The following CCNL1 variants were observed in gnomAD, a reference collection of about 807,000 sequenced individuals.
CCNL1 encodes the protein cyclin-L1.
Under a neutral mutation model 60.6 loss-of-function variants are expected in CCNL1, and 13 were observed. The ratio of observed to expected loss-of-function variants is 0.21; its 90% CI spans 0.14 to 0.34. CCNL1 has a LOEUF of 0.34. Among genes scored for constraint, CCNL1 ranks in the 10% least tolerant of loss-of-function variants. The pLI is 1.00. For missense variants in CCNL1, 481 were observed against 664.3 expected (o/e 0.72, Z 3.03); for synonymous variants, 270 against 244.3 (o/e 1.10, Z -0.98).
chr3:157,145,437 CAAAAAAAA>C (rs56894231), downstream of CCNL1, among the ~76,000 whole-genome samples: 17 of 24,266 alleles, frequency 7.0e-4, no homozygotes, highest in South Asian at 0.015. Context: ...GACTTCATCT[CAAAAAAAA>C]AAAAAAAAAA....
In CCNL1 at chr3:157,159,845, T is replaced by C. The variant is rs1463867685; in HGVS notation, c.250A>G (p.Ile84Val). 2.6e-6 allele frequency: 4 copies of C among 1,562,814 alleles called. No individual in the cohort carries two copies. The highest frequency in any genetic ancestry group is 3.5e-6 in the Non-Finnish European group (4 of 1,152,232). The change falls in exon 1 of 11, where the codon ATC (isoleucine) becomes GTC (valine). Residue 84 changes from isoleucine (I) to valine (V), a missense_variant. Physicochemically the swap from Ile to Val is conservative, Grantham distance 29. Transcript: ENST00000295926. ...GCCTGGATGAGCTCGCAGCCCAGGA[T>C]GCGTAAGTCCGTCTCACTGGGCAGG... is the stretch of plus-strand genomic sequence containing the variant. ...LDLPSETDLR[I>V]LGCELIQAAG... is the part of the protein sequence containing the mutation.
At chr3:157,155,812 T>C (rs1043234540) in intron 3 of CCNL1, among the ~76,000 whole-genome samples, 4 of 152,306 alleles carry the variant, frequency 2.6e-5, no homozygotes, top group African/African-American at 9.6e-5. Context: ...CCAATAAAGT[T>C]TGAGGAGGTG....
At chr3:157,159,530 C>T (rs1243142160) in intron 1 of CCNL1, 51 bp from the exon 2 acceptor site, 4 of 1,519,448 alleles carry the variant, frequency 2.6e-6, no homozygotes, top group Non-Finnish European at 2.7e-6. Flanking sequence ...GGGCCCGCTC[C>T]AGGCGCCGCC....
chr3:157,151,550 G>C (rs1738195593), intron 5 of CCNL1: 1 of 985,870 alleles, frequency 1.0e-6, no homozygotes. Flanking sequence ...ATTTTAAGCT[G>C]CAAGTTTGTC....
intron 3 of CCNL1, 135 bp downstream of exon 3, chr3:157,158,731 G>T: frequency 3.5e-6 from 2 of 574,034 alleles, no homozygotes; most frequent in Non-Finnish European, 3.1e-6. Context: ...GTTCCTATAT[G>T]AACTTTAACA....
At chr3:157,144,793 T>G (rs1468629005), downstream of CCNL1, among the ~76,000 whole-genome samples, 1 of 152,252 alleles carries the variant, frequency 6.6e-6, no homozygotes, top group Non-Finnish European at 1.5e-5. Context: ...AAATCTGGTA[T>G]GTAAATTTTG....
downstream of CCNL1, chr3:157,146,610 AAAAAAAAAAAAAAAAAAGTT>A (rs960724137): frequency 6.3e-5 from 5 of 78,840 alleles, no homozygotes; most frequent in African/African-American, 2.0e-4. Context: ...CCTCGTCTCT[AAAAAAAAAAAAAAAAAAGTT>A]AAAAAAAAAA....
At chr3:157,143,164 G>T (rs564239961), downstream of CCNL1, among the ~76,000 whole-genome samples, 1 of 152,218 alleles carries the variant, frequency 6.6e-6, no homozygotes, top group Admixed American at 6.5e-5. Flanking sequence ...TAGAAGTCTA[G>T]GTTTTTAATG....
rs770272421 is a variant in CCNL1, at chr3:157,159,804, G to C, written c.291C>G (p.Leu97=). The change falls in exon 1 of 11, where the codon CTC becomes CTG. Residue 97 remains leucine (L), a synonymous_variant. Transcript: ENST00000295926. Reference sequence around the variant, plus strand: ...CCGGAGCACTGACCTGCGGCAGCCGGAGGAGAATGCCGGCGGCCTGGATGA... The same window carrying C: ...CCGGAGCACTGACCTGCGGCAGCCGCAGGAGAATGCCGGCGGCCTGGATGA... The part of the protein sequence containing the change: ...CELIQAAGIL[L]RLPQVAMATG... 2.9e-4 allele frequency: 448 copies of C among 1,537,658 alleles called. No individual in the cohort carries two copies. Among genetic ancestry groups the C allele is most frequent in the Non-Finnish European group, 3.7e-4 (420 of 1,136,112 alleles).
chr3:157,158,312 GACTTCAA>G (rs1738783429), intron 3 of CCNL1, among the ~76,000 whole-genome samples: 1 of 152,126 alleles, frequency 6.6e-6, no homozygotes, highest in African/African-American at 2.4e-5. Context: ...TAATCCCTTT[GACTTCAA>G]ACTTCAAACT....
chr3:157,159,076 A>T (rs1577081232), intron 2 of CCNL1, 101 bp from the exon 3 acceptor site: 1 of 770,916 alleles, frequency 1.3e-6, no homozygotes, highest in East Asian at 2.5e-5. Flanking sequence ...AAAATTAGAG[A>T]AGACATCTCT....
rs780959929 is a variant in CCNL1, at chr3:157,152,194, G to A, written c.657C>T (p.Thr219=). 1 of 1,611,826 alleles carries A rather than the reference G, an allele frequency of 6.2e-7. No homozygotes were observed. The highest frequency in any genetic ancestry group is 8.5e-7 in the Non-Finnish European group (1 of 1,179,176). The change falls in exon 5 of 11, where the codon ACC becomes ACT. Residue 219 remains threonine (T), a synonymous_variant. Transcript: ENST00000295926. The part of the protein sequence containing the change: ...LQVLECERNQ[T]LVQTAWNYMN... ...TGACTTACCAGGCAGTTTGAACCAG[G>A]GTTTGATTACGTTCACATTCTAAGA... is the stretch of plus-strand genomic sequence containing the variant.
intron 6 of CCNL1, 33 bp downstream of exon 6, chr3:157,150,249 T>A (rs897316776): frequency 8.1e-6 from 13 of 1,611,636 alleles, no homozygotes; most frequent in Middle Eastern, 1.6e-4. Context: ...GTGTGATTTA[T>A]CCTACAGAAC....
At chr3:157,150,575 G>T in intron 5 of CCNL1, 194 bp from the exon 6 acceptor site, 1 of 1,310,676 alleles carries the variant, frequency 7.6e-7, no homozygotes, top group Non-Finnish European at 9.8e-7. Flanking sequence ...AGGACCATAT[G>T]CGATTTTCCT....
chr3:157,152,105 G>A (rs1738239034), intron 5 of CCNL1, 72 bp downstream of exon 5: 3 of 1,574,466 alleles, frequency 1.9e-6, no homozygotes, highest in Non-Finnish European at 2.6e-6. Flanking sequence ...ATTTTGGAAA[G>A]GGAAAACGAA....
chr3:157,157,436 A>G (rs1265287571), intron 3 of CCNL1, among the ~76,000 whole-genome samples: 3 of 152,262 alleles, frequency 2.0e-5, no homozygotes, highest in Admixed American at 6.5e-5. Flanking sequence ...ATGTGATTAC[A>G]TAATAGTTGG....
downstream of CCNL1, among the ~76,000 whole-genome samples, chr3:157,146,765 T>G (rs1376466641): frequency 6.6e-6 from 1 of 152,188 alleles, no homozygotes; most frequent in Non-Finnish European, 1.5e-5. Context: ...AAATATCTAT[T>G]TATAATTCAG....
chr3:157,159,779 C>T lies in CCNL1; in HGVS notation c.303+13G>A, dbSNP rs749776363. 26 of 1,523,520 alleles carry T rather than the reference C, an allele frequency of 1.7e-5. No homozygotes were observed. The highest frequency in any genetic ancestry group is 2.2e-5 in the Non-Finnish European group (25 of 1,128,788). 94.4% of individuals were successfully genotyped at this position (1,523,520 alleles called of 1,614,324 possible). On this transcript the variant is annotated intron_variant, in intron 1 of 10. Transcript: ENST00000295926. ...AGAGGAGCGCCCGGCCGGCCCGGGGCCGGAGCACTGACCTGCGGCAGCCGG... is the reference window on the plus strand; with the variant it reads ...AGAGGAGCGCCCGGCCGGCCCGGGGTCGGAGCACTGACCTGCGGCAGCCGG...
rs78062111 is a variant in CCNL1, at chr3:157,151,612, A to T, written c.674+565T>A. 5.8e-5 allele frequency: 57 copies of T among 987,594 alleles called. 1 individual carries two copies. The East Asian group carries it at 6.1e-3, about 106-fold the overall frequency. 61.2% of individuals were successfully genotyped at this position (987,594 alleles called of 1,614,324 possible). On this transcript the variant is annotated intron_variant, in intron 5 of 10. Coordinates refer to ENST00000295926, the MANE Select transcript of CCNL1 (RefSeq NM_020307.4). ...ACACACTAAAAATAAAAATTTAGTC[A>T]AACTCCTAATAAACCATTTAATTCA...
Sources: gnomAD v4.1 joint callset for allele counts (sites outside exome capture counted in the v4.1 genomes callset) on GRCh38, gnomAD v4.1.1 for gene constraint, MANE v1.5 for transcripts, NCBI Gene and HGNC (gene_info 2026-07-23, HGNC 2026-07-21) for gene names.